ABCB4: variants seen among roughly 807,000 people sequenced by gnomAD.
The protein encoded by ABCB4 is ATP binding cassette subfamily B member 4, also known as phosphatidylcholine translocator ABCB4.
Under a neutral mutation model 145.7 loss-of-function variants are expected in ABCB4, and 76 were observed. The ratio of observed to expected loss-of-function variants is 0.52; its 90% confidence interval spans 0.43 to 0.63. The LOEUF (loss-of-function observed/expected upper bound fraction) is 0.63, where lower values mean the gene tolerates loss of function less well. Among genes scored for constraint, ABCB4 ranks in the 30% least tolerant of loss-of-function variants. The pLI, the probability that ABCB4 is intolerant of heterozygous loss-of-function variation, is 0.00. For missense variants in ABCB4, 1,234 were observed against 1,553.1 expected (o/e 0.79, Z 3.45); for synonymous variants, 517 against 566.8 (o/e 0.91, Z 1.25).
intron 21 of ABCB4, among the ~76,000 whole-genome samples, chr7:87,416,767 A>C (rs1171879562): frequency 6.6e-6 from 1 of 152,234 alleles, no homozygotes; most frequent in Non-Finnish European, 1.5e-5. Context: ...TGAAGATGTA[A>C]TAAATTGGTG....
At chr7:87,444,137 C>T (rs1811183283) in intron 10 of ABCB4, among the ~76,000 whole-genome samples, 1 of 152,056 alleles carries the variant, frequency 6.6e-6, no homozygotes, top group Non-Finnish European at 1.5e-5. Context: ...AGTATTTCAG[C>T]ATTTAGTGAA....
chr7:87,440,541 T>C (rs1395069304), intron 12 of ABCB4, 139 bp from the exon 13 acceptor site: 4 of 703,396 alleles, frequency 5.7e-6, no homozygotes, highest in Admixed American at 2.9e-5. Flanking sequence ...AACAGCAATA[T>C]GCAAGAACAA....
At chr7:87,437,952 TG>T (rs1810718918) in intron 14 of ABCB4, among the ~76,000 whole-genome samples, 1 of 152,234 alleles carries the variant, frequency 6.6e-6, no homozygotes, top group Non-Finnish European at 1.5e-5. Context: ...TAAAATTGAA[TG>T]AATTGACTTG....
At chr7:87,434,608 C>T (rs546196005) in intron 14 of ABCB4, among the ~76,000 whole-genome samples, 4 of 152,100 alleles carry the variant, frequency 2.6e-5, no homozygotes, top group Admixed American at 1.3e-4. Context: ...ATTAGCTGGG[C>T]GTGGTTGCAT....
intron 3 of ABCB4, among the ~76,000 whole-genome samples, chr7:87,470,075 A>C (rs1813251168): frequency 1.3e-5 from 2 of 152,222 alleles, no homozygotes; most frequent in South Asian, 4.1e-4. Context: ...TACATCTACA[A>C]CTATCTGATC....
rs1259696466 is a variant in ABCB4, at chr7:87,402,091, A to G, written c.*5T>C. 6.2e-7 allele frequency: 1 copy of G among 1,614,098 alleles called. No individual in the cohort carries two copies. Among genetic ancestry groups the G allele is most frequent in the Non-Finnish European group, 8.5e-7 (1 of 1,179,984 alleles). ...TTTATTTTTAAAATATACTGTAGCA[A>G]AAGTTCATAAGTTCTGTGTCCCAGC... is the stretch of plus-strand genomic sequence containing the variant. On this transcript the variant is annotated 3_prime_UTR_variant, in exon 28 of 28. Transcript: ENST00000649586.
In ABCB4 at chr7:87,475,658, G is replaced by C; in HGVS notation, c.-31C>G. 1.6e-6 allele frequency: 1 copy of C among 635,598 alleles called. No homozygotes were observed. Among genetic ancestry groups the C allele is most frequent in the Non-Finnish European group, 2.8e-6 (1 of 359,308 alleles). 39.4% of individuals were successfully genotyped at this position (635,598 alleles called of 1,614,324 possible). A position where few individuals can be genotyped will look rare whatever the true frequency, so the allele number is the denominator to read the frequency against. ...CCTCGAACCTCGCGCGTGTCTGGCA[G>C]GGCCTCTGGACGCGCGGGCGCTGCA... On this transcript the variant is annotated 5_prime_UTR_variant, in exon 1 of 28. Coordinates refer to ENST00000649586, the MANE Select transcript of ABCB4 (RefSeq NM_000443.4).
chr7:87,459,647 C>T (rs773497978), intron 4 of ABCB4, among the ~76,000 whole-genome samples: 4 of 151,700 alleles, frequency 2.6e-5, no homozygotes, highest in African/African-American at 9.7e-5. Flanking sequence ...CAGTTACAAG[C>T]GAGAATACAG....
chr7:87,366,475 C>A, the ABCB4 span, among the ~76,000 whole-genome samples: 1 of 152,164 alleles, frequency 6.6e-6, no homozygotes. Context: ...CTTTCCATTA[C>A]TACCTCAGTC....
intron 14 of ABCB4, among the ~76,000 whole-genome samples, chr7:87,433,445 G>A (rs962546959): frequency 2.6e-5 from 4 of 152,172 alleles, no homozygotes; most frequent in Admixed American, 2.0e-4. Context: ...TATTCATGAT[G>A]CTAACAGTGA....
chr7:87,464,881 C>T (rs1207582200), intron 3 of ABCB4, among the ~76,000 whole-genome samples: 1 of 152,176 alleles, frequency 6.6e-6, no homozygotes, highest in Non-Finnish European at 1.5e-5. Flanking sequence ...TGCATTAAAA[C>T]CAGCTTTCAG....
downstream of ABCB4, chr7:87,398,940 G>T (rs776985215): frequency 7.8e-5 from 22 of 282,510 alleles, no homozygotes; most frequent in Non-Finnish European, 1.4e-4. Context: ...CTTTAACAAT[G>T]CAAGTCTTAC....
the ABCB4 span, among the ~76,000 whole-genome samples, chr7:87,390,737 A>G: frequency 6.6e-6 from 1 of 152,202 alleles, no homozygotes; most frequent in South Asian, 2.1e-4. Context: ...CTTCTACTTT[A>G]TTCTAGTCCT....
the ABCB4 span, chr7:87,391,476 T>C: frequency 2.1e-6 from 2 of 968,732 alleles, no homozygotes; most frequent in Non-Finnish European, 2.9e-6. Flanking sequence ...CCAACCTATC[T>C]GTGTTAAAGG....
chr7:87,381,070 G>A, the ABCB4 span, among the ~76,000 whole-genome samples: 31 of 152,226 alleles, frequency 2.0e-4, no homozygotes, highest in Non-Finnish European at 3.8e-4. Context: ...ATAGTGTTAG[G>A]GTGACATTTA....
At chr7:87,473,538 A>G (rs1350700583) in intron 2 of ABCB4, among the ~76,000 whole-genome samples, 10 of 151,838 alleles carry the variant, frequency 6.6e-5, no homozygotes, top group Admixed American at 6.6e-4. Flanking sequence ...CCTTTAAAAT[A>G]AGATCTACCC....
chr7:87,406,690 T>A (rs1285848355), intron 25 of ABCB4, among the ~76,000 whole-genome samples, 196 bp from the exon 26 acceptor site: 1 of 152,208 alleles, frequency 6.6e-6, no homozygotes, highest in African/African-American at 2.4e-5. Context: ...CATCCCTATC[T>A]TGGTCTAACT....
At chr7:87,441,655 T>G (rs1210841195) in intron 12 of ABCB4, among the ~76,000 whole-genome samples, 2 of 152,096 alleles carry the variant, frequency 1.3e-5, no homozygotes, top group African/African-American at 4.8e-5. Flanking sequence ...GGTGCAACCA[T>G]TGGTGCAACA....
At chr7:87,391,660 G>A in the ABCB4 span, 1 of 1,612,048 alleles carries the variant, frequency 6.2e-7, no homozygotes, top group Non-Finnish European at 8.5e-7. Flanking sequence ...ATGCGATCAT[G>A]CACAGTTGAA....
Sources: allele counts gnomAD v4.1 joint callset (sites outside exome capture counted in the v4.1 genomes callset), GRCh38; gene constraint gnomAD v4.1.1; transcripts MANE v1.5; gene names NCBI Gene and HGNC (gene_info 2026-07-23, HGNC 2026-07-21).